RIMBP2: variants seen among roughly 807,000 people sequenced by gnomAD.
The protein encoded by RIMBP2 is RIMS-binding protein 2.
A neutral mutation model predicts 118.6 loss-of-function variants in RIMBP2; 48 were observed. The observed-to-expected ratio is 0.40, with a 90% CI of 0.32 to 0.51. The LOEUF (loss-of-function observed/expected upper bound fraction) is 0.51. Among genes scored for constraint, RIMBP2 ranks in the 20% least tolerant of loss-of-function variants. RIMBP2 has a pLI of 0.41. For missense variants in RIMBP2, 1,551 were observed against 1,768.3 expected (o/e 0.88, Z 2.20); for synonymous variants, 762 against 742.9 (o/e 1.03, Z -0.42).
In RIMBP2 at chr12:130,553,006, A is replaced by G. The variant is rs2055963016; in HGVS notation, c.-216-35089T>C. Among the ~76,000 whole-genome samples the G allele has an allele frequency of 2.0e-5, 3 of 151,992 alleles. No individual in the cohort carries two copies. In the South Asian group the frequency reaches 6.2e-4, roughly 31 times the overall value. Reference sequence around the variant, plus strand: ...TCTCTACTAAAAAATACAAAAAATTAGCCAGGCGTGGTGGCAGGTGCCTGT... The same window carrying G: ...TCTCTACTAAAAAATACAAAAAATTGGCCAGGCGTGGTGGCAGGTGCCTGT... On this transcript the variant is annotated intron_variant, in intron 2 of 22. Transcript: ENST00000690449.
chr12:130,482,288 G>C (rs1366120200), intron 4 of RIMBP2, among the ~76,000 whole-genome samples: 1 of 152,232 alleles, frequency 6.6e-6, no homozygotes, highest in Non-Finnish European at 1.5e-5. Context: ...TGCTTCTTCT[G>C]GATATTGGTT....
chr12:130,516,136 G>C (rs1302798738), intron 3 of RIMBP2, among the ~76,000 whole-genome samples: 1 of 152,160 alleles, frequency 6.6e-6, no homozygotes, highest in Non-Finnish European at 1.5e-5. Context: ...CAGGATTCCA[G>C]TTTCCCTACA....
At position 130,621,168 on chromosome 12, in the gene RIMBP2, G is replaced by A. The variant is rs1276813268; in HGVS notation, c.-217+7154C>T. On this transcript the variant is annotated intron_variant, in intron 2 of 22. Transcript: ENST00000690449. This position sits in a 1 kb window ranked among gnomAD's most constrained non-coding sequence, Gnocchi z 6.6. ...CCTTAGGTGAGTTGGAAACCCTTGAGTTCAGTCACCAGGCTCTGGAGATGG... is the reference window on the plus strand; with the variant it reads ...CCTTAGGTGAGTTGGAAACCCTTGAATTCAGTCACCAGGCTCTGGAGATGG... Among the ~76,000 whole-genome samples, 2 of 152,144 alleles carry A rather than the reference G, an allele frequency of 1.3e-5. No individual in the cohort carries two copies. The highest frequency in any genetic ancestry group is 6.5e-5 in the Admixed American group (1 of 15,280).
chr12:130,674,716 C>T (rs1009855138), intron 1 of RIMBP2, among the ~76,000 whole-genome samples: 1 of 152,104 alleles, frequency 6.6e-6, no homozygotes, highest in African/African-American at 2.4e-5. Flanking sequence ...AGTTCCAAAA[C>T]CTTCTTATCA....
At chr12:130,496,684 T>C (rs1337723238) in intron 4 of RIMBP2, among the ~76,000 whole-genome samples, 1 of 152,148 alleles carries the variant, frequency 6.6e-6, no homozygotes, top group African/African-American at 2.4e-5. Context: ...CCCCAGAAAG[T>C]GACCACATGA....
chr12:130,617,220 C>T lies in RIMBP2; in HGVS notation c.-217+11102G>A, dbSNP rs1284324496. Among the ~76,000 whole-genome samples, 1 of 151,860 alleles carries T rather than the reference C, an allele frequency of 6.6e-6. No individual in the cohort carries two copies. The highest frequency in any genetic ancestry group is 6.6e-5 in the Admixed American group (1 of 15,252). ...TTAGTGCTGCCACCTCCATCCAGCA[C>T]ACAAGGGATGCAAGGCTTAGGGAAC... On this transcript the variant is annotated intron_variant, in intron 2 of 22. Transcript: ENST00000690449. The surrounding 1 kb of genome is among the most constrained non-coding windows in gnomAD (Gnocchi z 4.6).
chr12:130,515,049 TG>T, intron 3 of RIMBP2, among the ~76,000 whole-genome samples: 1 of 152,240 alleles, frequency 6.6e-6, no homozygotes, highest in South Asian at 2.1e-4. Flanking sequence ...GCTAATTTTT[TG>T]TATTTTTAGT....
chr12:130,524,103 T>C (rs1457093727), intron 2 of RIMBP2, among the ~76,000 whole-genome samples: 1 of 151,956 alleles, frequency 6.6e-6, no homozygotes, highest in Non-Finnish European at 1.5e-5. Context: ...GGGGTGGTGC[T>C]CCCAGCCCTG....
chr12:130,545,924 C>CAAA (rs2139637035), intron 2 of RIMBP2, among the ~76,000 whole-genome samples: 1 of 152,140 alleles, frequency 6.6e-6, no homozygotes, highest in South Asian at 2.1e-4. Context: ...TAGGGCTCAT[C>CAAA]AAAAAGGACT....
chr12:130,680,461 C>A (rs536653434), intron 1 of RIMBP2, among the ~76,000 whole-genome samples: 1 of 152,298 alleles, frequency 6.6e-6, no homozygotes, highest in East Asian at 1.9e-4. Flanking sequence ...AGTCAAGGAG[C>A]ACTTGTGGGT....
At chr12:130,655,819 G>A (rs549741448) in intron 1 of RIMBP2, among the ~76,000 whole-genome samples, 24 of 152,330 alleles carry the variant, frequency 1.6e-4, no homozygotes, top group Admixed American at 1.4e-3. Context: ...GAAAAGGGAG[G>A]GACGTTGGCT....
chr12:130,577,941 T>C (rs1224784794), intron 2 of RIMBP2, among the ~76,000 whole-genome samples: 1 of 152,202 alleles, frequency 6.6e-6, no homozygotes, highest in African/African-American at 2.4e-5. Context: ...AGCTTGATAG[T>C]GGTAATCATT....
intron 1 of RIMBP2, among the ~76,000 whole-genome samples, chr12:130,690,879 G>C (rs757059250): frequency 2.0e-5 from 3 of 151,588 alleles, no homozygotes; most frequent in Non-Finnish European, 4.4e-5. Flanking sequence ...TCTTCCTCTC[G>C]CTCCCCAGTG....
chr12:130,564,826 A>G lies in RIMBP2; in HGVS notation c.-216-46909T>C, dbSNP rs562166720. On this transcript the variant is annotated intron_variant, in intron 2 of 22. Transcript: ENST00000690449. ...CTTTGCAACCCTGAGCCTACAGTTA[A>G]TAAGGTACTCTGCACTTAAATTGTG... 2.6e-5 allele frequency among the ~76,000 whole-genome samples: 4 copies of G among 152,324 alleles called. No individual in the cohort carries two copies. In the South Asian group the frequency reaches 8.3e-4, roughly 32 times the overall value.
At chr12:130,709,464 A>C (rs915223529) in intron 1 of RIMBP2, among the ~76,000 whole-genome samples, 1 of 152,336 alleles carries the variant, frequency 6.6e-6, no homozygotes, top group East Asian at 1.9e-4. Flanking sequence ...GGGCAGCTCC[A>C]GGCTAAGGAG....
intron 2 of RIMBP2, among the ~76,000 whole-genome samples, chr12:130,612,268 T>C (rs2060604704): frequency 6.6e-6 from 1 of 152,190 alleles, no homozygotes. Context: ...AAACAGGCCT[T>C]CTGAGGGCTG....
In RIMBP2 at chr12:130,460,683, G is replaced by A. The variant is rs1010684826; in HGVS notation, c.154-3983C>T. Among the ~76,000 whole-genome samples the A allele has an allele frequency of 1.1e-4, 17 of 152,142 alleles. 1 individual carries two copies. The highest frequency in any genetic ancestry group is 2.4e-4 in the Non-Finnish European group (16 of 68,020). On this transcript the variant is annotated intron_variant, in intron 6 of 22. Coordinates refer to ENST00000690449, the MANE Select transcript of RIMBP2 (RefSeq NM_001393629.1). ...GTTAGTATTAGTAGCAGCAGCAGAT[G>A]CAATATTAGCAGCAGCAACAGCAGG...
intron 2 of RIMBP2, among the ~76,000 whole-genome samples, chr12:130,571,270 A>G (rs2057621473): frequency 6.6e-6 from 1 of 152,146 alleles, no homozygotes; most frequent in Non-Finnish European, 1.5e-5. Flanking sequence ...GAAAACAGCC[A>G]TGCATGGGTC....
intron 2 of RIMBP2, among the ~76,000 whole-genome samples, chr12:130,560,764 T>C (rs2139884032): frequency 6.6e-6 from 1 of 152,284 alleles, no homozygotes; most frequent in South Asian, 2.1e-4. Flanking sequence ...CTACCCAAAA[T>C]ATCTCATCGT....
Sources: allele counts gnomAD v4.1 joint callset (sites outside exome capture counted in the v4.1 genomes callset), GRCh38; gene constraint gnomAD v4.1.1; non-coding constraint Gnocchi (gnomAD v3.1); transcripts MANE v1.5; gene names NCBI Gene and HGNC (gene_info 2026-07-23, HGNC 2026-07-21).